Variants in SAMD4A observed in about 807,000 individuals in gnomAD.
SAMD4A encodes the protein protein Smaug homolog 1.
Under a neutral mutation model 81.3 loss-of-function variants are expected in SAMD4A, and 33 were observed. The ratio of observed to expected loss-of-function variants is 0.41; its 90% CI spans 0.31 to 0.54. The LOEUF (loss-of-function observed/expected upper bound fraction) is 0.54, where lower values mean the gene tolerates loss of function less well. Ranked by LOEUF, SAMD4A falls within the 20% of genes least tolerant of loss-of-function variation. The pLI is 0.37. For synonymous variants in SAMD4A, 389 were observed against 382.1 expected (o/e 1.02, Z -0.21); for missense variants, 854 against 951.1 (o/e 0.90, Z 1.34).
At chr14:54,664,433 AG>A (rs1263871137) in intron 2 of SAMD4A, among the ~76,000 whole-genome samples, 4 of 152,212 alleles carry the variant, frequency 2.6e-5, no homozygotes, top group Non-Finnish European at 4.4e-5. Context: ...GTCACTCAAC[AG>A]GTTACCAGAG....
At chr14:54,569,596 G>C (rs1201002903) in intron 2 of SAMD4A, among the ~76,000 whole-genome samples, 1 of 152,138 alleles carries the variant, frequency 6.6e-6, no homozygotes, top group African/African-American at 2.4e-5. Context: ...CCTTCACTGG[G>C]GTGTGGAAGC....
chr14:54,582,225 T>G (rs2033488416), intron 2 of SAMD4A, among the ~76,000 whole-genome samples: 1 of 152,204 alleles, frequency 6.6e-6, no homozygotes, highest in African/African-American at 2.4e-5. Flanking sequence ...AGGAATAATT[T>G]GGACAAGAAT....
intron 11 of SAMD4A, among the ~76,000 whole-genome samples, chr14:54,782,300 T>G (rs1242684876): frequency 6.6e-6 from 1 of 152,008 alleles, no homozygotes; most frequent in Non-Finnish European, 1.5e-5. Context: ...AATCTTACAA[T>G]GAGCATATGG....
At chr14:54,738,698 G>C (rs2037761732) in intron 4 of SAMD4A, among the ~76,000 whole-genome samples, 2 of 152,204 alleles carry the variant, frequency 1.3e-5, no homozygotes, top group Non-Finnish European at 1.5e-5. Context: ...AAGCAGCTGA[G>C]CCCCAGGTGA....
chr14:54,619,513 C>G (rs1024266276), intron 2 of SAMD4A, among the ~76,000 whole-genome samples: 1 of 152,144 alleles, frequency 6.6e-6, no homozygotes, highest in Non-Finnish European at 1.5e-5. Context: ...TGTGCCTTGG[C>G]TAGGGATAAC....
At position 54,733,380 on chromosome 14, in the gene SAMD4A, A is replaced by T. The variant is rs370536895; in HGVS notation, c.716-3644A>T. Among the ~76,000 whole-genome samples the T allele has an allele frequency of 2.0e-5, 3 of 152,284 alleles. No homozygotes were observed. In the South Asian group the frequency reaches 6.2e-4, roughly 32 times the overall value. ...AAAATTTTTATAGAGGTTTTTAAAA[A>T]TACAAGCAATTTTGGATTCATACTG... On this transcript the variant is annotated intron_variant, in intron 3 of 12. Transcript: ENST00000554335.
intron 8 of SAMD4A, 134 bp from the exon 9 acceptor site, chr14:54,769,970 G>C (rs749420265): frequency 1.1e-5 from 7 of 643,670 alleles, no homozygotes; most frequent in Non-Finnish European, 1.9e-5. Flanking sequence ...AACTGACTAC[G>C]TTTGGACCAG....
At chr14:54,771,708 T>C (rs1187758754) in intron 9 of SAMD4A, among the ~76,000 whole-genome samples, 5 of 152,212 alleles carry the variant, frequency 3.3e-5, no homozygotes, top group Non-Finnish European at 2.9e-5. Flanking sequence ...ATAGAAAAGG[T>C]TCCAGACTCC....
At chr14:54,779,394 A>G (rs2038943008) in intron 11 of SAMD4A, among the ~76,000 whole-genome samples, 1 of 152,264 alleles carries the variant, frequency 6.6e-6, no homozygotes, top group South Asian at 2.1e-4. Context: ...CCTGGCTGTT[A>G]GATGTCTTCA....
intron 3 of SAMD4A, among the ~76,000 whole-genome samples, chr14:54,714,845 T>G (rs937098062): frequency 9.2e-5 from 14 of 152,116 alleles, no homozygotes; most frequent in African/African-American, 3.4e-4. Context: ...GCTATCCCAT[T>G]ATGCTAAATT....
intron 3 of SAMD4A, among the ~76,000 whole-genome samples, chr14:54,718,269 G>C (rs2037172040): frequency 6.6e-6 from 1 of 152,198 alleles, no homozygotes; most frequent in African/African-American, 2.4e-5. Flanking sequence ...GTCAACACAA[G>C]GAATGAATGC....
At chr14:54,681,774 C>A in intron 2 of SAMD4A, 1 of 984,716 alleles carries the variant, frequency 1.0e-6, no homozygotes, top group Non-Finnish European at 1.2e-6. Flanking sequence ...TTGATGGAGC[C>A]CCAAATGAAA....
chr14:54,792,645 T>C lies in SAMD4A; in HGVS notation c.*3701T>C, dbSNP rs1181467124. 3 of 151,916 alleles carry C rather than the reference T, an allele frequency of 2.0e-5. No homozygotes were observed. Among genetic ancestry groups the C allele is most frequent in the Non-Finnish European group, 4.4e-5 (3 of 68,004 alleles). The allele number at this position is 151,916 out of a possible 1,614,324, so 9.4% of individuals were successfully genotyped here. On this transcript the variant is annotated 3_prime_UTR_variant, in exon 13 of 13. Transcript: ENST00000554335. ...TGACCAAGGCGCTCAGGTGTGCCTGTTACAAGAAGAACCTGCAGAAGGATA... is the reference window on the plus strand; with the variant it reads ...TGACCAAGGCGCTCAGGTGTGCCTGCTACAAGAAGAACCTGCAGAAGGATA...
At chr14:54,619,611 G>A (rs934348399) in intron 2 of SAMD4A, among the ~76,000 whole-genome samples, 4 of 152,046 alleles carry the variant, frequency 2.6e-5, no homozygotes, top group Non-Finnish European at 5.9e-5. Flanking sequence ...TATAGGCCTT[G>A]TGCCCACTAG....
At position 54,576,287 on chromosome 14, in the gene SAMD4A, T is replaced by C. The variant is rs2033294943; in HGVS notation, c.196+8175T>C. On this transcript the variant is annotated intron_variant, in intron 2 of 12. Transcript: ENST00000554335. ...CTGTGTATGTGCACCAAACATGTGA[T>C]TTAAACACAGTTAAAATGCATGAGT... 2.0e-5 allele frequency among the ~76,000 whole-genome samples: 3 copies of C among 152,182 alleles called. No homozygotes were observed. In the South Asian group the frequency reaches 6.2e-4, roughly 32 times the overall value.
intron 2 of SAMD4A, among the ~76,000 whole-genome samples, chr14:54,672,523 C>T (rs1242517739): frequency 1.3e-5 from 2 of 152,174 alleles, no homozygotes; most frequent in Non-Finnish European, 2.9e-5. Context: ...AGAGGGTGCC[C>T]TGTCATCCTG....
At chr14:54,608,897 G>C (rs967796679) in intron 2 of SAMD4A, among the ~76,000 whole-genome samples, 2 of 152,244 alleles carry the variant, frequency 1.3e-5, no homozygotes, top group African/African-American at 4.8e-5. Context: ...ACGGAAGACA[G>C]CTATGAGTCC....
chr14:54,692,350 T>G (rs2036462274), intron 2 of SAMD4A, among the ~76,000 whole-genome samples: 1 of 152,206 alleles, frequency 6.6e-6, no homozygotes, highest in African/African-American at 2.4e-5. Flanking sequence ...TCTTTTGTGA[T>G]TCAGTCTGTT....
intron 2 of SAMD4A, among the ~76,000 whole-genome samples, chr14:54,621,688 C>T (rs188544883): frequency 6.6e-6 from 1 of 152,284 alleles, no homozygotes; most frequent in East Asian, 1.9e-4. Context: ...TGTACATAAG[C>T]ATTCCCATAT....
Sources: gnomAD v4.1 joint callset for allele counts (sites outside exome capture counted in the v4.1 genomes callset) on GRCh38, gnomAD v4.1.1 for gene constraint, MANE v1.5 for transcripts, NCBI Gene and HGNC (gene_info 2026-07-23, HGNC 2026-07-21) for gene names.